The following ARHGAP32 variants were observed in gnomAD, a reference collection of about 807,000 sequenced individuals.
The protein encoded by ARHGAP32 is Rho GTPase activating protein 32, also known as rho GTPase-activating protein 32.
ARHGAP32 carries 51 observed loss-of-function variants against 186.5 expected under a neutral mutation model. The ratio of observed to expected loss-of-function variants is 0.27; its 90% CI spans 0.22 to 0.35. The LOEUF is 0.35. ARHGAP32 is among the 10% of genes least tolerant of loss of function. The pLI is 1.00. For synonymous variants in ARHGAP32, 950 were observed against 964.3 expected, an observed-to-expected ratio of 0.99 and a Z score of 0.27; for missense variants, 2,186 against 2,623.5, an observed-to-expected ratio of 0.83 and a Z score of 3.64.
intron 6 of ARHGAP32, among the ~76,000 whole-genome samples, chr11:129,068,290 G>A (rs1025755607): frequency 5.3e-5 from 8 of 151,996 alleles, no homozygotes; most frequent in African/African-American, 1.7e-4. Context: ...GCATGTATTC[G>A]ATTCATGAGC....
chr11:129,168,785 A>T (rs11824112), intron 1 of ARHGAP32, among the ~76,000 whole-genome samples: 10,293 of 152,272 alleles, frequency 0.068, 405 homozygotes, highest in Middle Eastern at 0.082. Context: ...TCAACAAATT[A>T]AAAAAATTTA....
chr11:128,968,450 G>GC lies in ARHGAP32; in HGVS notation c.*456dup, dbSNP rs1945268313. ...AAGTGACAACAGTGTGTCGATCTGC[G>GC]CAAGTTGTGCAGCTACTGAAGGAGA... On this transcript the variant is annotated 3_prime_UTR_variant, in exon 23 of 23. Transcript: ENST00000682385. 6.6e-6 allele frequency: 1 copy of GC among 152,596 alleles called. No individual in the cohort carries two copies. The highest frequency in any genetic ancestry group is 2.4e-5 in the African/African-American group (1 of 41,466). The allele number at this position is 152,596 out of a possible 1,614,324, so 9.5% of individuals were successfully genotyped here.
chr11:129,181,236 G>C (rs996328231), intron 1 of ARHGAP32, among the ~76,000 whole-genome samples: 3 of 152,138 alleles, frequency 2.0e-5, no homozygotes, highest in African/African-American at 7.2e-5. Context: ...GGCAACAATG[G>C]CTGGAAGTCC....
In ARHGAP32 at chr11:128,997,492, G is replaced by A. The variant is rs894206813; in HGVS notation, c.1195+827C>T. Among the ~76,000 whole-genome samples the A allele has an allele frequency of 1.2e-4, 19 of 152,118 alleles. 1 individual carries two copies. Among genetic ancestry groups the A allele is most frequent in the Middle Eastern group, 3.4e-3 (1 of 294 alleles). On this transcript the variant is annotated intron_variant, in intron 12 of 22. Coordinates refer to ENST00000682385, the MANE Select transcript of ARHGAP32 (RefSeq NM_001378024.1). ...CAATGGGTATTTCCCATACTAATTT[G>A]GAATTTCATAATCACCTATTTCTGG...
At chr11:129,151,342 T>C (rs775682859) in intron 2 of ARHGAP32, among the ~76,000 whole-genome samples, 1 of 152,016 alleles carries the variant, frequency 6.6e-6, no homozygotes, top group African/African-American at 2.4e-5. Flanking sequence ...AAAGAAACAA[T>C]AGACTTAAAA....
In ARHGAP32 at chr11:129,106,764, G is replaced by T. The variant is rs539378301; in HGVS notation, c.445-13057C>A. ...AGAAGAAAGAATCAGTCACCTTAAAGATAAGACAAGTAGATAAAATGTAAT... is the reference window on the plus strand; with the variant it reads ...AGAAGAAAGAATCAGTCACCTTAAATATAAGACAAGTAGATAAAATGTAAT... On this transcript the variant is annotated intron_variant, in intron 5 of 22. Coordinates refer to ENST00000682385, the MANE Select transcript of ARHGAP32 (RefSeq NM_001378024.1). 3.3e-5 allele frequency among the ~76,000 whole-genome samples: 5 copies of T among 152,108 alleles called. No individual in the cohort carries two copies. In the South Asian group the frequency reaches 1.0e-3, roughly 32 times the overall value.
intron 1 of ARHGAP32, among the ~76,000 whole-genome samples, chr11:129,222,936 T>C (rs1944732559): frequency 6.6e-6 from 1 of 152,208 alleles, no homozygotes; most frequent in Non-Finnish European, 1.5e-5. Flanking sequence ...AGTGCAGTGC[T>C]GTGTCATACT....
chr11:128,994,624 T>C (rs890036861), intron 12 of ARHGAP32, among the ~76,000 whole-genome samples: 2 of 152,144 alleles, frequency 1.3e-5, no homozygotes, highest in South Asian at 2.1e-4. Flanking sequence ...CAGCCCCCTA[T>C]GAAGTCTTAA....
At chr11:129,152,531 TA>T (rs1285209356) in intron 2 of ARHGAP32, among the ~76,000 whole-genome samples, 1 of 152,142 alleles carries the variant, frequency 6.6e-6, no homozygotes, top group Non-Finnish European at 1.5e-5. Context: ...AAAAATATGA[TA>T]CAGCATGACC....
chr11:129,035,849 G>GA (rs376942953), intron 11 of ARHGAP32, among the ~76,000 whole-genome samples: 16 of 149,698 alleles, frequency 1.1e-4, no homozygotes, highest in South Asian at 4.2e-4. Context: ...ATCAAAAAAA[G>GA]AAAAAAAAAG....
At chr11:129,150,367 G>A (rs943629136) in intron 2 of ARHGAP32, among the ~76,000 whole-genome samples, 7 of 152,118 alleles carry the variant, frequency 4.6e-5, no homozygotes, top group Non-Finnish European at 7.4e-5. Context: ...ACAGTCATCA[G>A]GTTATCTAAA....
At position 129,092,490 on chromosome 11, in the gene ARHGAP32, A is replaced by G. The variant is rs577441386; in HGVS notation, c.531+1131T>C. Among the ~76,000 whole-genome samples the G allele has an allele frequency of 1.2e-3, 175 of 152,114 alleles. 3 individuals are homozygous for G. Among genetic ancestry groups the G allele is most frequent in the African/African-American group, 4.1e-3 (171 of 41,562 alleles). Reference sequence around the variant, plus strand: ...AAAAATTAACTCACCAAATGGAAGCATTTTATGAAATATGACATGAAACTT... The same window carrying G: ...AAAAATTAACTCACCAAATGGAAGCGTTTTATGAAATATGACATGAAACTT... On this transcript the variant is annotated intron_variant, in intron 6 of 22. Transcript: ENST00000682385.
At chr11:129,058,952 T>C (rs1940378491) in intron 10 of ARHGAP32, among the ~76,000 whole-genome samples, 1 of 152,186 alleles carries the variant, frequency 6.6e-6, no homozygotes, top group African/African-American at 2.4e-5. Flanking sequence ...TTCTCCAGCA[T>C]ACAATTGATT....
At chr11:129,145,679 T>C (rs977730154) in intron 2 of ARHGAP32, among the ~76,000 whole-genome samples, 6 of 152,190 alleles carry the variant, frequency 3.9e-5, no homozygotes, top group African/African-American at 1.2e-4. Context: ...TGCTTAAGCA[T>C]TGGTTCAACA....
At chr11:129,275,805 T>C (rs1363204772) in intron 1 of ARHGAP32, among the ~76,000 whole-genome samples, 2 of 152,276 alleles carry the variant, frequency 1.3e-5, no homozygotes, top group Non-Finnish European at 2.9e-5. Flanking sequence ...TGGATTGTTT[T>C]CAACCATTTA....
At chr11:129,227,260 CA>C (rs1944797815) in intron 1 of ARHGAP32, among the ~76,000 whole-genome samples, 1 of 151,392 alleles carries the variant, frequency 6.6e-6, no homozygotes, top group Non-Finnish European at 1.5e-5. Flanking sequence ...CAAAATAACT[CA>C]AAAAATATAC....
At chr11:129,064,810 C>G (rs185692964) in intron 8 of ARHGAP32, 31 bp downstream of exon 8, 2 of 1,489,090 alleles carry the variant, frequency 1.3e-6, no homozygotes, top group Admixed American at 3.9e-5. Context: ...TTTAAATATA[C>G]ATTTTTCATG....
chr11:129,043,181 C>T (rs373828643), intron 10 of ARHGAP32, among the ~76,000 whole-genome samples: 18 of 152,160 alleles, frequency 1.2e-4, no homozygotes, highest in African/African-American at 4.3e-4. Flanking sequence ...TCTAAAAGAG[C>T]CTACCTGCAG....
chr11:129,192,298 G>A lies in ARHGAP32; in HGVS notation c.-100C>T. ...TCTACTCATGTATACTCAGATGTGT[G>A]TCTGGTGCCCTAGTGACAGGTACTG... On this transcript the variant is annotated 5_prime_UTR_variant, in exon 1 of 23. Coordinates refer to ENST00000682385, the MANE Select transcript of ARHGAP32 (RefSeq NM_001378024.1). The A allele has an allele frequency of 3.8e-6, 3 of 794,664 alleles. No homozygotes were observed. Among genetic ancestry groups the A allele is most frequent in the Non-Finnish European group, 6.4e-6 (3 of 469,748 alleles). The allele number at this position is 794,664 out of a possible 1,614,324, so 49.2% of individuals were successfully genotyped here. A position where few individuals can be genotyped will look rare whatever the true frequency, so the allele number is the denominator to read the frequency against.
Sources: allele counts gnomAD v4.1 joint callset (sites outside exome capture counted in the v4.1 genomes callset), GRCh38; gene constraint gnomAD v4.1.1; transcripts MANE v1.5; gene names NCBI Gene and HGNC (gene_info 2026-07-23, HGNC 2026-07-21).